DLL1: variants seen among roughly 807,000 people sequenced by gnomAD.
DLL1 encodes delta-like protein 1.
A neutral mutation model predicts 75.1 loss-of-function variants in DLL1; 9 were observed. The observed-to-expected ratio is 0.12, with a 90% CI of 0.07 to 0.21. The LOEUF is 0.21. Among genes scored for constraint, DLL1 ranks in the 10% least tolerant of loss-of-function variants. The probability of loss-of-function intolerance (pLI) is 1.00; values close to 1 mark genes in which losing one functional copy is unlikely to be tolerated. For synonymous variants in DLL1, 477 were observed against 418.3 expected, an observed-to-expected ratio of 1.14 and a Z score of -1.71; for missense variants, 837 against 1,007.6, an observed-to-expected ratio of 0.83 and a Z score of 2.29.
At chr6:170,288,053 C>G in intron 4 of DLL1, 186 bp downstream of exon 4, 1 of 806,166 alleles carries the variant, frequency 1.2e-6, no homozygotes, top group Non-Finnish European at 2.0e-6. Context: ...AAAATGTCTG[C>G]GTTGACCCCA....
chr6:170,283,008 C>T lies in DLL1; in HGVS notation c.2146G>A (p.Glu716Lys). Reference sequence around the variant, plus strand: ...CTGACCTCAGTTGCTATGACGCACTCATCCTTCTCCTCGGATATGACGTAC... The same window carrying T: ...CTGACCTCAGTTGCTATGACGCACTTATCCTTCTCCTCGGATATGACGTAC... ...SVYVISEEKD[E>K]CVIATEV Residue 716 changes from glutamate (E) to lysine (K), a missense_variant, in exon 10 of 11, where the codon GAG becomes AAG. Glu to Lys is a moderately conservative substitution (Grantham distance 56). Transcript: ENST00000366756. 1.2e-6 allele frequency: 2 copies of T among 1,614,180 alleles called. No homozygotes were observed. Among genetic ancestry groups the T allele is most frequent in the South Asian group, 1.1e-5 (1 of 91,088 alleles).
At chr6:170,288,558 G>C (rs766930569) in intron 3 of DLL1, 62 bp from the exon 4 acceptor site, 4 of 1,613,806 alleles carry the variant, frequency 2.5e-6, no homozygotes, top group Non-Finnish European at 3.4e-6. Context: ...GGGACAGAGC[G>C]GGGGTGGGCC....
At position 170,290,315 on chromosome 6, in the gene DLL1, A is replaced by C; in HGVS notation, c.-176T>G. ...TAAAAGCCGGTCTCCGCCTCTTCCC[A>C]AGGCCGCGGTTCTTTATATCCGCCC... On this transcript the variant is annotated 5_prime_UTR_variant, in exon 1 of 11. Coordinates refer to ENST00000366756, the MANE Select transcript of DLL1 (RefSeq NM_005618.4). The surrounding 1 kb of genome is among the most constrained non-coding windows in gnomAD (Gnocchi z 4.7). The C allele has an allele frequency of 3.4e-6, 2 of 590,888 alleles. No individual in the cohort carries two copies. The highest frequency in any genetic ancestry group is 2.6e-6 in the Non-Finnish European group (1 of 380,586). 36.6% of individuals were successfully genotyped at this position (590,888 alleles called of 1,614,324 possible).
intron 2 of DLL1, 84 bp from the exon 3 acceptor site, chr6:170,288,873 G>A: frequency 6.7e-7 from 1 of 1,501,356 alleles, no homozygotes; most frequent in East Asian, 2.3e-5. Context: ...CTAACAGCCA[G>A]GTCAGCAACA....
chr6:170,283,702 C>G lies in DLL1; in HGVS notation c.1577G>C (p.Gly526Ala), dbSNP rs756697215. 112 of 1,556,130 alleles carry G rather than the reference C, an allele frequency of 7.2e-5. 2 individuals carry two copies. Among genetic ancestry groups the G allele is most frequent in the Admixed American group, 1.1e-4 (6 of 53,066 alleles). The change falls in exon 9 of 11, where the codon GGC becomes GCC. Residue 526 changes from glycine to alanine, a missense_variant. By Grantham distance (60) the Gly-to-Ala change is moderately conservative. Coordinates refer to ENST00000366756, the MANE Select transcript of DLL1 (RefSeq NM_005618.4). Reference sequence around the variant, plus strand: ...CTCAGTGAGGTCCACCACCGCTGGGCCCGGGGGCAGCTCGGGGAGCAGGAA... The same window carrying G: ...CTCAGTGAGGTCCACCACCGCTGGGGCCGGGGGCAGCTCGGGGAGCAGGAA... ...CQFLLPELPP[G>A]PAVVDLTEKL...
chr6:170,289,745 C>T lies in DLL1; in HGVS notation c.118G>A (p.Gly40Arg). 6.4e-7 allele frequency: 1 copy of T among 1,552,400 alleles called. No individual in the cohort carries two copies. Reference sequence around the variant, plus strand: ...CCCCCGCGGCAGCAGTTGCGGTTCCCCAGCAGCCCCTTCTTGTTGACGAAC... The same window carrying T: ...CCCCCGCGGCAGCAGTTGCGGTTCCTCAGCAGCCCCTTCTTGTTGACGAAC... ...QEFVNKKGLL[G>R]NRNCCRGGAG... Residue 40 changes from glycine to arginine, a missense_variant, in exon 2 of 11, where the codon GGG (glycine) becomes AGG (arginine). Gly to Arg is a moderately radical substitution (Grantham distance 125). This residue lies in a region of DLL1 where 304 missense variants were observed against 461.9 expected (regional missense o/e 0.66). Transcript: ENST00000366756.
rs1167741234 is a variant in DLL1 at position 170,288,291 on chromosome 6, C to G, written c.618G>C (p.Glu206Asp). Residue 206 changes from glutamate to aspartate, a missense_variant, in exon 4 of 11, where the codon GAG (glutamate) becomes GAC (aspartate). Glu to Asp is a conservative substitution (Grantham distance 45). Coordinates refer to ENST00000366756, the MANE Select transcript of DLL1 (RefSeq NM_005618.4). ...DDAFGHFTCG[E>D]RGEKVCNPGW... ...CAGGGTTGCACACTTTCTCCCCACG[C>G]TCCCCACAGGTGAAGTGGCCGAAGG... 6.2e-7 allele frequency: 1 copy of G among 1,614,082 alleles called. No homozygotes were observed. The highest frequency in any genetic ancestry group is 8.5e-7 in the Non-Finnish European group (1 of 1,180,052).
intron 3 of DLL1, 61 bp downstream of exon 3, chr6:170,288,668 G>C (rs114580923): frequency 1.2e-6 from 2 of 1,610,838 alleles, no homozygotes; most frequent in African/African-American, 2.7e-5. Flanking sequence ...GGGGATGGGT[G>C]GGCAAAGTCC....
Position 170,289,644 on chromosome 6 carries a change from G to A in DLL1, c.219C>T (p.Pro73=). The change falls in exon 2 of 11, where the codon CCC becomes CCT. Residue 73 remains proline, a synonymous_variant. Coordinates refer to ENST00000366756, the MANE Select transcript of DLL1 (RefSeq NM_005618.4). Reference sequence around the variant, plus strand: ...CGCTGCCGTAGGTGCAGGGCGGCTCGGGGGACACGCTGGCCTGGTAGTGCT... The same window carrying A: ...CGCTGCCGTAGGTGCAGGGCGGCTCAGGGGACACGCTGGCCTGGTAGTGCT... ...CLKHYQASVS[P]EPPCTYGSAV... 1 of 1,539,478 alleles carries A rather than the reference G, an allele frequency of 6.5e-7. No individual in the cohort carries two copies. The highest frequency in any genetic ancestry group is 8.7e-7 in the Non-Finnish European group (1 of 1,146,392).
In DLL1 at chr6:170,290,299, G is replaced by T; in HGVS notation, c.-160C>A. The T allele has an allele frequency of 1.4e-6, 1 of 712,326 alleles. No homozygotes were observed. The highest frequency in any genetic ancestry group is 2.1e-6 in the Non-Finnish European group (1 of 482,872). 44.1% of individuals were successfully genotyped at this position (712,326 alleles called of 1,614,324 possible). A position where few individuals can be genotyped will look rare whatever the true frequency, so the allele number is the denominator to read the frequency against. On this transcript the variant is annotated 5_prime_UTR_variant, in exon 1 of 11. Coordinates refer to ENST00000366756, the MANE Select transcript of DLL1 (RefSeq NM_005618.4). This position sits in a 1 kb window ranked among gnomAD's most constrained non-coding sequence, Gnocchi z 4.7. ...CCAGGACTTCTTTCTTTAAAAGCCG[G>T]TCTCCGCCTCTTCCCAAGGCCGCGG...
Position 170,282,718 on chromosome 6 carries a change from G to C in DLL1, c.*156C>G. The C allele has an allele frequency of 7.7e-7, 1 of 1,298,338 alleles. No homozygotes were observed. Among genetic ancestry groups the C allele is most frequent in the Non-Finnish European group, 1.1e-6 (1 of 901,498 alleles). 80.4% of individuals were successfully genotyped at this position (1,298,338 alleles called of 1,614,324 possible). A position where few individuals can be genotyped will look rare whatever the true frequency, so the allele number is the denominator to read the frequency against. ...CCGCGACAGGCTGTCGGCAGGCGTC[G>C]AGGACCTCAGGAGGAGAACCTGCTC... On this transcript the variant is annotated 3_prime_UTR_variant, in exon 11 of 11. Coordinates refer to ENST00000366756, the MANE Select transcript of DLL1 (RefSeq NM_005618.4).
Position 170,282,271 on chromosome 6 carries a change from TA to T in DLL1, c.*602del, listed in dbSNP as rs1466308822. ...AGGAATTTCTTCATTAACAAAACAG[TA>T]AAAAACTCAAATAACATTTGCACAA... On this transcript the variant is annotated 3_prime_UTR_variant, in exon 11 of 11. Coordinates refer to ENST00000366756, the MANE Select transcript of DLL1 (RefSeq NM_005618.4). 1 of 153,134 alleles carries T rather than the reference TA, an allele frequency of 6.5e-6. No individual in the cohort carries two copies. The highest frequency in any genetic ancestry group is 2.4e-5 in the African/African-American group (1 of 41,428). The allele number at this position is 153,134 out of a possible 1,614,324, so 9.5% of individuals were successfully genotyped here.
intron 2 of DLL1, 50 bp downstream of exon 2, chr6:170,289,462 A>G (rs1324873017): frequency 2.6e-6 from 4 of 1,523,830 alleles, no homozygotes; most frequent in Non-Finnish European, 2.6e-6. Flanking sequence ...CGCGTCCTGC[A>G]GCCCGCCCAG....
At chr6:170,287,855 G>A (rs1002654500) in intron 4 of DLL1, among the ~76,000 whole-genome samples, 13 of 152,292 alleles carry the variant, frequency 8.5e-5, no homozygotes, top group Admixed American at 4.6e-4. Flanking sequence ...CTGGGAACTC[G>A]GGTTGAAATG....
chr6:170,290,829 G>C lies in DLL1; in HGVS notation c.-690C>G. 1.6e-6 allele frequency: 1 copy of C among 625,254 alleles called. No individual in the cohort carries two copies. The highest frequency in any genetic ancestry group is 2.9e-6 in the Non-Finnish European group (1 of 349,464). 38.7% of individuals were successfully genotyped at this position (625,254 alleles called of 1,614,324 possible). A position where few individuals can be genotyped will look rare whatever the true frequency, so the allele number is the denominator to read the frequency against. On this transcript the variant is annotated 5_prime_UTR_variant, in exon 1 of 11. Transcript: ENST00000366756. The surrounding 1 kb of genome is among the most constrained non-coding windows in gnomAD (Gnocchi z 4.7). ...CAGTACACACGCGCAGGACCGGAGG[G>C]GCCGGGCCGTGGGAGGAGGCTCTGC...
rs1783611273 is a variant in DLL1 at position 170,283,339 on chromosome 6, A to G, written c.1940T>C (p.Leu647Pro). 2 of 1,612,800 alleles carry G rather than the reference A, an allele frequency of 1.2e-6. No individual in the cohort carries two copies. Among genetic ancestry groups the G allele is most frequent in the Non-Finnish European group, 1.7e-6 (2 of 1,180,036 alleles). The part of the protein sequence containing the change: ...PAVDYNLVQD[L>P]KGDDTAVRDA... ...CCTGACGGCGGTGTCGTCACCCTTG[A>G]GGTCCTGCACGAGGTTATAGTCCAC... Residue 647 changes from leucine to proline, a missense_variant, in exon 9 of 11, where the codon CTC becomes CCC. Coordinates refer to ENST00000366756, the MANE Select transcript of DLL1 (RefSeq NM_005618.4).
Position 170,290,820 on chromosome 6 carries a change from G to A in DLL1, c.-681C>T, listed in dbSNP as rs1783846005. On this transcript the variant is annotated 5_prime_UTR_variant, in exon 1 of 11. Transcript: ENST00000366756. The surrounding 1 kb of genome is among the most constrained non-coding windows in gnomAD (Gnocchi z 4.7). Reference sequence around the variant, plus strand: ...AATGCCATCCAGTACACACGCGCAGGACCGGAGGGGCCGGGCCGTGGGAGG... The same window carrying A: ...AATGCCATCCAGTACACACGCGCAGAACCGGAGGGGCCGGGCCGTGGGAGG... The A allele has an allele frequency of 6.5e-6, 4 of 615,446 alleles. 1 individual carries two copies. The South Asian group carries it at 7.5e-5, about 12-fold the overall frequency. 38.1% of individuals were successfully genotyped at this position (615,446 alleles called of 1,614,324 possible). A position where few individuals can be genotyped will look rare whatever the true frequency, so the allele number is the denominator to read the frequency against.
Position 170,290,715 on chromosome 6 carries a change from C to T in DLL1, c.-576G>A. 2.9e-6 allele frequency: 1 copy of T among 345,624 alleles called. No individual in the cohort carries two copies. Among genetic ancestry groups the T allele is most frequent in the South Asian group, 3.2e-5 (1 of 30,830 alleles). The allele number at this position is 345,624 out of a possible 1,614,324, so 21.4% of individuals were successfully genotyped here. A position where few individuals can be genotyped will look rare whatever the true frequency, so the allele number is the denominator to read the frequency against. ...ATCGCGGCCCGGTGTCACTCGGCGG[C>T]GGCGGTCGTTCCGGGAGCACTCCGG... On this transcript the variant is annotated 5_prime_UTR_variant, in exon 1 of 11. Transcript: ENST00000366756. The surrounding 1 kb of genome is among the most constrained non-coding windows in gnomAD (Gnocchi z 4.7).
In DLL1 at chr6:170,289,557, G is replaced by C; in HGVS notation, c.306C>G (p.Ser102=). 3 of 1,535,186 alleles carry C rather than the reference G, an allele frequency of 2.0e-6. No individual in the cohort carries two copies. The highest frequency in any genetic ancestry group is 1.7e-6 in the Non-Finnish European group (2 of 1,146,458). The change falls in exon 2 of 11, where the codon TCC becomes TCG. Residue 102 remains serine, a synonymous_variant. Transcript: ENST00000366756. The part of the protein sequence containing the change: ...FSLPDGGGAD[S]AFSNPIRFPF... The stretch of plus-strand genomic sequence containing the variant: ...GGAAGCGGATGGGGTTGCTGAACGC[G>C]GAGTCGGCGCCCCCGCCGTCGGGCA...
Sources: allele counts gnomAD v4.1 joint callset (sites outside exome capture counted in the v4.1 genomes callset), GRCh38; gene constraint gnomAD v4.1.1; regional missense constraint gnomAD v4.1.1; non-coding constraint Gnocchi (gnomAD v3.1); transcripts MANE v1.5; gene names NCBI Gene and HGNC (gene_info 2026-07-23, HGNC 2026-07-21).